The following PACSIN2 variants were observed in gnomAD, a reference collection of about 807,000 sequenced individuals.
PACSIN2 encodes the protein protein kinase C and casein kinase substrate in neurons protein 2.
A neutral mutation model predicts 63.8 loss-of-function variants in PACSIN2; 25 were observed. That is an observed-to-expected ratio of 0.39 (90% CI 0.29 to 0.55). PACSIN2 has a LOEUF of 0.55. Ranked by LOEUF, PACSIN2 falls within the 20% of genes least tolerant of loss-of-function variation. The probability of loss-of-function intolerance (pLI) is 0.62; values close to 1 mark genes in which losing one functional copy is unlikely to be tolerated. For synonymous variants in PACSIN2, 255 were observed against 256.2 expected (o/e 1.00, Z 0.05); for missense variants, 518 against 646.9 (o/e 0.80, Z 2.16).
intron 1 of PACSIN2, among the ~76,000 whole-genome samples, chr22:42,964,612 G>T (rs1032133603): frequency 3.9e-5 from 6 of 152,024 alleles, no homozygotes; most frequent in African/African-American, 1.5e-4. Flanking sequence ...TAGGAGGTGG[G>T]GTACCTGGCA....
At chr22:42,963,551 T>C (rs560927051) in intron 1 of PACSIN2, among the ~76,000 whole-genome samples, 4 of 152,320 alleles carry the variant, frequency 2.6e-5, no homozygotes, top group Non-Finnish European at 5.9e-5. Context: ...TTTTGTTATA[T>C]GATTGTCGCA....
intron 1 of PACSIN2, among the ~76,000 whole-genome samples, chr22:42,981,759 C>A (rs1262959013): frequency 8.3e-6 from 1 of 120,010 alleles, no homozygotes; most frequent in Non-Finnish European, 1.8e-5. Flanking sequence ...CCAGTCGCCC[C>A]GTCCAGGAGG....
chr22:42,878,244 G>A (rs981052241), intron 8 of PACSIN2, among the ~76,000 whole-genome samples: 2 of 152,216 alleles, frequency 1.3e-5, no homozygotes, highest in Non-Finnish European at 2.9e-5. Context: ...CCCTGGGACA[G>A]GCACTTACTG....
At chr22:42,877,269 C>G (rs920252752) in intron 8 of PACSIN2, among the ~76,000 whole-genome samples, 13 of 152,178 alleles carry the variant, frequency 8.5e-5, no homozygotes, top group African/African-American at 3.1e-4. Context: ...AGAACAGGGG[C>G]CCTGGGGTGG....
intron 1 of PACSIN2, among the ~76,000 whole-genome samples, chr22:42,987,482 A>C (rs928226562): frequency 1.8e-5 from 2 of 110,866 alleles, no homozygotes; most frequent in African/African-American, 7.5e-5. Context: ...ACACACACAC[A>C]CACACACACA....
At chr22:42,929,429 G>C (rs1456886909) in intron 1 of PACSIN2, among the ~76,000 whole-genome samples, 3 of 152,216 alleles carry the variant, frequency 2.0e-5, no homozygotes, top group Admixed American at 1.3e-4. Context: ...TGAAGATGCT[G>C]TCAATAGCTT....
chr22:42,898,505 A>T (rs1252594538), intron 2 of PACSIN2, among the ~76,000 whole-genome samples: 1 of 152,044 alleles, frequency 6.6e-6, no homozygotes, highest in Non-Finnish European at 1.5e-5. Flanking sequence ...TCCCGAACTC[A>T]GGTGATCTGC....
chr22:42,954,684 G>A (rs957289816), intron 1 of PACSIN2, among the ~76,000 whole-genome samples: 1 of 152,114 alleles, frequency 6.6e-6, no homozygotes, highest in African/African-American at 2.4e-5. Flanking sequence ...ACTGGACATC[G>A]CAGTTCTGGA....
At chr22:42,872,220 G>A (rs1928206935) in intron 10 of PACSIN2, among the ~76,000 whole-genome samples, 1 of 152,242 alleles carries the variant, frequency 6.6e-6, no homozygotes, top group Non-Finnish European at 1.5e-5. Flanking sequence ...GGCAGACTAG[G>A]GTGGTGAGGG....
Position 42,871,532 on chromosome 22 carries a change from C to A in PACSIN2, c.1349-63G>T. 7.7e-7 allele frequency: 1 copy of A among 1,291,854 alleles called. No homozygotes were observed. The highest frequency in any genetic ancestry group is 1.1e-6 in the Non-Finnish European group (1 of 886,806). The allele number at this position is 1,291,854 out of a possible 1,614,324, so 80.0% of individuals were successfully genotyped here. A position where few individuals can be genotyped will look rare whatever the true frequency, so the allele number is the denominator to read the frequency against. Reference sequence around the variant, plus strand: ...TGACACCGACGGTGGGCTACAGAGCCGCATTCACGAGCTTTGAGCCCACAG... The same window carrying A: ...TGACACCGACGGTGGGCTACAGAGCAGCATTCACGAGCTTTGAGCCCACAG... On this transcript the variant is annotated intron_variant, in intron 10 of 10. Coordinates refer to ENST00000263246, the MANE Select transcript of PACSIN2 (RefSeq NM_001184970.3). This position sits in a 1 kb window ranked among gnomAD's most constrained non-coding sequence, Gnocchi z 5.4.
intron 1 of PACSIN2, among the ~76,000 whole-genome samples, chr22:42,995,972 G>A (rs1456218700): frequency 6.6e-6 from 1 of 152,144 alleles, no homozygotes; most frequent in African/African-American, 2.4e-5. Flanking sequence ...TGTAATCCCA[G>A]CACTTTGGGA....
intron 1 of PACSIN2, among the ~76,000 whole-genome samples, chr22:42,921,165 T>G (rs967946769): frequency 4.6e-5 from 7 of 151,844 alleles, no homozygotes; most frequent in Admixed American, 3.9e-4. Context: ...AGAGACCATC[T>G]TGGCTAACAC....
chr22:42,876,244 C>T lies in PACSIN2; in HGVS notation c.1241G>A (p.Gly414Glu). The T allele has an allele frequency of 6.2e-7, 1 of 1,614,220 alleles. No individual in the cohort carries two copies. Among genetic ancestry groups the T allele is most frequent in the South Asian group, 1.1e-5 (1 of 91,086 alleles). ...NNPFSSTDAN[G>E]DSNPFDDDAT... ...GTCGTCGTCGAATGGATTCGAGTCC[C>T]CATTGGCATCCGTGGAGGAGAAGGG... Residue 414 changes from glycine to glutamate, a missense_variant, in exon 10 of 11, where the codon GGG becomes GAG. Coordinates refer to ENST00000263246, the MANE Select transcript of PACSIN2 (RefSeq NM_001184970.3).
At chr22:42,934,626 C>T (rs938144802) in intron 1 of PACSIN2, among the ~76,000 whole-genome samples, 2 of 152,220 alleles carry the variant, frequency 1.3e-5, no homozygotes, top group South Asian at 2.1e-4. Context: ...CCTTGCAAGG[C>T]CCAGTTTGAG....
chr22:42,894,233 T>A (rs1930122947), intron 2 of PACSIN2, among the ~76,000 whole-genome samples: 1 of 147,294 alleles, frequency 6.8e-6, no homozygotes, highest in South Asian at 2.2e-4. Flanking sequence ...GTGGCTAGGC[T>A]GGAGCTGAAG....
At chr22:42,907,669 T>C (rs1377253253) in intron 2 of PACSIN2, among the ~76,000 whole-genome samples, 1 of 152,272 alleles carries the variant, frequency 6.6e-6, no homozygotes, top group African/African-American at 2.4e-5. Context: ...GAGGTGGTAT[T>C]GACATTCGCT....
chr22:42,871,506 A>G lies in PACSIN2; in HGVS notation c.1349-37T>C. The G allele has an allele frequency of 6.7e-7, 1 of 1,484,832 alleles. No homozygotes were observed. Among genetic ancestry groups the G allele is most frequent in the South Asian group, 1.1e-5 (1 of 88,642 alleles). 92.0% of individuals were successfully genotyped at this position (1,484,832 alleles called of 1,614,324 possible). ...AGAGGGAGCCGTCTCCATGAGAGGT[A>G]TGACACCGACGGTGGGCTACAGAGC... On this transcript the variant is annotated intron_variant, in intron 10 of 10. Coordinates refer to ENST00000263246, the MANE Select transcript of PACSIN2 (RefSeq NM_001184970.3). This position sits in a 1 kb window ranked among gnomAD's most constrained non-coding sequence, Gnocchi z 5.4.
At chr22:42,985,081 C>A (rs758327899) in intron 1 of PACSIN2, among the ~76,000 whole-genome samples, 1 of 152,224 alleles carries the variant, frequency 6.6e-6, no homozygotes, top group African/African-American at 2.4e-5. Flanking sequence ...GTAATCTCAG[C>A]ACTTTGGGAG....
At chr22:42,975,141 T>A (rs1356351119) in intron 1 of PACSIN2, among the ~76,000 whole-genome samples, 1 of 152,178 alleles carries the variant, frequency 6.6e-6, no homozygotes, top group African/African-American at 2.4e-5. Flanking sequence ...GTCCAATCTG[T>A]ATCAGTTTAA....
Sources: allele counts gnomAD v4.1 joint callset (sites outside exome capture counted in the v4.1 genomes callset), GRCh38; gene constraint gnomAD v4.1.1; non-coding constraint Gnocchi (gnomAD v3.1); transcripts MANE v1.5; gene names NCBI Gene and HGNC (gene_info 2026-07-23, HGNC 2026-07-21).